The following ZBTB10 variants were observed in gnomAD, a reference collection of about 807,000 sequenced individuals.
ZBTB10 encodes zinc finger and BTB domain containing 10, also known as zinc finger and BTB domain-containing protein 10.
In ZBTB10, 32 loss-of-function variants were observed where a neutral mutation model predicts 76.4. The ratio of observed to expected loss-of-function variants is 0.42; its 90% CI spans 0.32 to 0.56. The LOEUF is 0.56. Ranked by LOEUF, ZBTB10 falls within the 20% of genes least tolerant of loss-of-function variation. The pLI, the probability that ZBTB10 is intolerant of heterozygous loss-of-function variation, is 0.14. For synonymous variants in ZBTB10, 523 were observed against 432.9 expected (o/e 1.21, Z -2.58); for missense variants, 1,057 against 1,098.5 (o/e 0.96, Z 0.53).
In ZBTB10 at chr8:80,522,906, G is replaced by A. The variant is rs1173623373; in HGVS notation, c.*3378G>A. Reference sequence around the variant, plus strand: ...AGTATCATACGGGGGAAAGTGTGATGGAAAATAGGTTTAAAAATCTTAATT... The same window carrying A: ...AGTATCATACGGGGGAAAGTGTGATAGAAAATAGGTTTAAAAATCTTAATT... On this transcript the variant is annotated 3_prime_UTR_variant, in exon 6 of 6. Transcript: ENST00000455036. 1 of 151,708 alleles carries A rather than the reference G, an allele frequency of 6.6e-6. No individual in the cohort carries two copies. Among genetic ancestry groups the A allele is most frequent in the East Asian group, 1.9e-4 (1 of 5,182 alleles). 9.4% of individuals were successfully genotyped at this position (151,708 alleles called of 1,614,324 possible).
chr8:80,500,276 T>C lies in ZBTB10; in HGVS notation c.1755T>C (p.Ile585=), dbSNP rs532990144. Residue 585 remains isoleucine (I), a synonymous_variant, in exon 2 of 6, where the codon ATT becomes ATC. Transcript: ENST00000455036. ...RRKNQTTKRF[I]YNIPPNNETN... is the part of the protein sequence containing the mutation. ...AAAACCAAACTACAAAAAGATTTAT[T>C]TATAATATTCCACCTAATAATGAAA... The C allele has an allele frequency of 1.9e-6, 3 of 1,575,268 alleles. No homozygotes were observed. Among genetic ancestry groups the C allele is most frequent in the Non-Finnish European group, 2.6e-6 (3 of 1,159,898 alleles).
In ZBTB10 at chr8:80,522,148, T is replaced by C. The variant is rs1273190961; in HGVS notation, c.*2620T>C. ...TCTTTTAAAAAAATAGTTTTAGTACTAAGGTATACTACTGGACATTTCTAT... is the reference window on the plus strand; with the variant it reads ...TCTTTTAAAAAAATAGTTTTAGTACCAAGGTATACTACTGGACATTTCTAT... On this transcript the variant is annotated 3_prime_UTR_variant, in exon 6 of 6. Transcript: ENST00000455036. 6.6e-6 allele frequency: 1 copy of C among 151,938 alleles called. No individual in the cohort carries two copies. The highest frequency in any genetic ancestry group is 1.5e-5 in the Non-Finnish European group (1 of 67,828). The allele number at this position is 151,938 out of a possible 1,614,324, so 9.4% of individuals were successfully genotyped here.
chr8:80,490,976 G>A (rs1815615449), intron 1 of ZBTB10, among the ~76,000 whole-genome samples: 1 of 152,180 alleles, frequency 6.6e-6, no homozygotes, highest in Admixed American at 6.5e-5. Flanking sequence ...GGCCGAGGTG[G>A]GTGAATCACT....
At chr8:80,502,738 T>TAAAA (rs33919475) in intron 2 of ZBTB10, among the ~76,000 whole-genome samples, 2 of 145,084 alleles carry the variant, frequency 1.4e-5, no homozygotes, top group African/African-American at 5.0e-5. Context: ...GCTAAAACAG[T>TAAAA]AAAAAAAAAA....
chr8:80,505,915 A>ATTT (rs58176444), intron 2 of ZBTB10, among the ~76,000 whole-genome samples: 4 of 131,964 alleles, frequency 3.0e-5, no homozygotes, highest in East Asian at 4.3e-4. Flanking sequence ...TGCCTGGCTA[A>ATTT]TTTTTTTTTT....
At chr8:80,496,169 A>G (rs1439540358) in intron 1 of ZBTB10, among the ~76,000 whole-genome samples, 1 of 152,146 alleles carries the variant, frequency 6.6e-6, no homozygotes, top group East Asian at 1.9e-4. Flanking sequence ...GTTATTAGGG[A>G]CCTATTTTGA....
rs1475147966 is a variant in ZBTB10, at chr8:80,499,525, G to C, written c.1004G>C (p.Cys335Ser). Residue 335 changes from cysteine (C) to serine (S), a missense_variant, in exon 2 of 6, where the codon TGT (cysteine) becomes TCT (serine). By Grantham distance (112) the Cys-to-Ser change is moderately radical. Transcript: ENST00000455036. The stretch of plus-strand genomic sequence containing the variant: ...GAAATACCATCAGAGGAGGGGTACT[G>C]TGACTTTAATAGTAGGCCAAATGAG... ...ESEIPSEEGY[C>S]DFNSRPNENS... The C allele has an allele frequency of 3.1e-6, 5 of 1,611,468 alleles. No homozygotes were observed. In the Admixed American group the frequency reaches 8.4e-5, roughly 27 times the overall value.
intron 3 of ZBTB10, among the ~76,000 whole-genome samples, chr8:80,516,305 A>G (rs1816324302): frequency 6.6e-6 from 1 of 152,246 alleles, no homozygotes; most frequent in African/African-American, 2.4e-5. Context: ...TAGTTTTCCA[A>G]GTATTTTGAG....
chr8:80,498,746 A>T (rs757645130), intron 1 of ZBTB10, among the ~76,000 whole-genome samples: 10 of 152,258 alleles, frequency 6.6e-5, no homozygotes, highest in Non-Finnish European at 1.3e-4. Context: ...CATAATTTTA[A>T]TTGTGACGCC....
At chr8:80,494,893 C>T (rs1178013179) in intron 1 of ZBTB10, among the ~76,000 whole-genome samples, 2 of 149,784 alleles carry the variant, frequency 1.3e-5, no homozygotes, top group Non-Finnish European at 3.0e-5. Flanking sequence ...CCACTGCACT[C>T]CAGCCTGGGT....
intron 2 of ZBTB10, among the ~76,000 whole-genome samples, chr8:80,505,338 T>C (rs753264043): frequency 1.5e-4 from 23 of 152,194 alleles, no homozygotes; most frequent in Admixed American, 1.4e-3. Flanking sequence ...CACCAAGTAA[T>C]ATAATGGACA....
At chr8:80,512,944 G>C (rs1253775938) in intron 2 of ZBTB10, among the ~76,000 whole-genome samples, 1 of 151,974 alleles carries the variant, frequency 6.6e-6, no homozygotes, top group Non-Finnish European at 1.5e-5. Context: ...TTGAATGAAA[G>C]TGATGTCCAT....
In ZBTB10 at chr8:80,496,632, T is replaced by C. The variant is rs1187281849; in HGVS notation, c.973-2862T>C. Among the ~76,000 whole-genome samples, 3 of 152,172 alleles carry C rather than the reference T, an allele frequency of 2.0e-5. No individual in the cohort carries two copies. The East Asian group carries it at 5.8e-4, about 29-fold the overall frequency. The stretch of plus-strand genomic sequence containing the variant: ...GTTATAAAAATTAGGACATTTGGTA[T>C]GATAAAGGCAGAGAATCTTAACAAT... On this transcript the variant is annotated intron_variant, in intron 1 of 5. Coordinates refer to ENST00000455036, the MANE Select transcript of ZBTB10 (RefSeq NM_001105539.3).
chr8:80,504,263 A>G (rs992470800), intron 2 of ZBTB10, among the ~76,000 whole-genome samples: 5 of 152,356 alleles, frequency 3.3e-5, no homozygotes, highest in African/African-American at 1.2e-4. Flanking sequence ...TTGAAGTTCT[A>G]TAGCAAACAT....
At chr8:80,496,703 AT>A (rs1815791916) in intron 1 of ZBTB10, among the ~76,000 whole-genome samples, 1 of 152,206 alleles carries the variant, frequency 6.6e-6, no homozygotes, top group African/African-American at 2.4e-5. Flanking sequence ...ATAGCGTGTT[AT>A]GACTGCTACA....
In ZBTB10 at chr8:80,518,589, A is replaced by G. The variant is rs1356634042; in HGVS notation, c.2137+10A>G. 3 of 1,544,634 alleles carry G rather than the reference A, an allele frequency of 1.9e-6. No individual in the cohort carries two copies. Among genetic ancestry groups the G allele is most frequent in the Non-Finnish European group, 2.6e-6 (3 of 1,145,254 alleles). On this transcript the variant is annotated intron_variant, in intron 4 of 5. Coordinates refer to ENST00000455036, the MANE Select transcript of ZBTB10 (RefSeq NM_001105539.3). ...GAAACCTGGGAAAATGGCAAGTATT[A>G]GTCAACTAAACAAATACAGAATTAA...
intron 1 of ZBTB10, among the ~76,000 whole-genome samples, chr8:80,493,203 G>GCC (rs1184343848): frequency 9.3e-6 from 1 of 107,772 alleles, no homozygotes; most frequent in Non-Finnish European, 2.0e-5. Context: ...ACGCGCGCGC[G>GCC]CGCGCACACA....
chr8:80,498,712 A>G (rs1201430045), intron 1 of ZBTB10, among the ~76,000 whole-genome samples: 1 of 152,248 alleles, frequency 6.6e-6, no homozygotes, highest in Non-Finnish European at 1.5e-5. Context: ...TCTGGATCAT[A>G]CTTTTATTCT....
Position 80,487,027 on chromosome 8 carries a change from G to A in ZBTB10, c.217G>A (p.Glu73Lys), listed in dbSNP as rs1213629464. The A allele has an allele frequency of 7.9e-6, 12 of 1,518,584 alleles. No homozygotes were observed. Among genetic ancestry groups the A allele is most frequent in the Non-Finnish European group, 1.1e-5 (12 of 1,139,316 alleles). 94.1% of individuals were successfully genotyped at this position (1,518,584 alleles called of 1,614,324 possible). The change falls in exon 1 of 6, where the codon GAG becomes AAG. Residue 73 changes from glutamate to lysine, a missense_variant. Transcript: ENST00000455036. Reference sequence around the variant, plus strand: ...CGAGGAAGTGGAATTGGAGGGCCTGGAGCCCCAAGACCTGGAGGCCTCCGC... The same window carrying A: ...CGAGGAAGTGGAATTGGAGGGCCTGAAGCCCCAAGACCTGGAGGCCTCCGC... The part of the protein sequence containing the change: ...ADEEVELEGL[E>K]PQDLEASAGP...
Sources: gnomAD v4.1 joint callset for allele counts (sites outside exome capture counted in the v4.1 genomes callset) on GRCh38, gnomAD v4.1.1 for gene constraint, MANE v1.5 for transcripts, NCBI Gene and HGNC (gene_info 2026-07-23, HGNC 2026-07-21) for gene names.